AKAP12: variants seen among roughly 807,000 people sequenced by gnomAD.
AKAP12 encodes the protein A-kinase anchoring protein 12.
A neutral mutation model predicts 79.9 loss-of-function variants in AKAP12; 32 were observed. The ratio of observed to expected loss-of-function variants is 0.40; its 90% CI spans 0.30 to 0.54. The LOEUF (loss-of-function observed/expected upper bound fraction) is 0.54, where lower values mean the gene tolerates loss of function less well. AKAP12 is among the 20% of genes least tolerant of loss of function. The pLI is 0.48. For synonymous variants in AKAP12, 808 were observed against 857.0 expected (o/e 0.94, Z 1.00); for missense variants, 2,074 against 2,177.0 (o/e 0.95, Z 0.94).
At position 151,255,420 on chromosome 6, in the gene AKAP12, C is replaced by T. The variant is rs1350470293; in HGVS notation, c.162+14696C>T. Among the ~76,000 whole-genome samples the T allele has an allele frequency of 2.6e-5, 4 of 151,984 alleles. No individual in the cohort carries two copies. The East Asian group carries it at 7.8e-4, about 30-fold the overall frequency. Reference sequence around the variant, plus strand: ...AGGTGATCCACCTGCCTCGGCTTCCCAAAGTGCTGGGATTACAGGCGTGAG... The same window carrying T: ...AGGTGATCCACCTGCCTCGGCTTCCTAAAGTGCTGGGATTACAGGCGTGAG... On this transcript the variant is annotated intron_variant, in intron 2 of 4. Coordinates refer to ENST00000402676, the MANE Select transcript of AKAP12 (RefSeq NM_005100.4).
At chr6:151,285,325 G>A (rs1161408135) in intron 2 of AKAP12, among the ~76,000 whole-genome samples, 1 of 151,796 alleles carries the variant, frequency 6.6e-6, no homozygotes, top group Non-Finnish European at 1.5e-5. Context: ...ACATTACTGA[G>A]TTTGCTATTG....
rs138563552 is a variant in AKAP12 at position 151,353,725 on chromosome 6, A to G, written c.5334A>G (p.Glu1778=). Residue 1778 remains glutamate, a synonymous_variant, in exon 4 of 5, where the codon GAA becomes GAG. Coordinates refer to ENST00000402676, the MANE Select transcript of AKAP12 (RefSeq NM_005100.4). ...QKQERESAKS[E]LTES is the part of the protein sequence containing the mutation. ...AAGAGAGAGAATCTGCAAAGTCAGA[A>G]CTTACAGAATCTTAAAACATCATGC... The G allele has an allele frequency of 1.5e-4, 242 of 1,590,082 alleles. 2 individuals are homozygous for G. The East Asian group carries it at 5.3e-3, about 35-fold the overall frequency.
chr6:151,355,484 G>A (rs980673442), intron 4 of AKAP12, among the ~76,000 whole-genome samples: 2 of 151,694 alleles, frequency 1.3e-5, no homozygotes. Context: ...TGTATTTTTA[G>A]TGGAGACAGG....
intron 3 of AKAP12, among the ~76,000 whole-genome samples, chr6:151,320,282 T>C (rs1328699469): frequency 6.6e-6 from 1 of 151,742 alleles, no homozygotes; most frequent in Non-Finnish European, 1.5e-5. Flanking sequence ...CACTGCTTGG[T>C]TTTTTGTTTT....
intron 2 of AKAP12, among the ~76,000 whole-genome samples, chr6:151,253,114 AT>A (rs1447117604): frequency 2.0e-5 from 3 of 152,098 alleles, no homozygotes; most frequent in African/African-American, 7.2e-5. Context: ...ACAATGATGA[AT>A]TTCTATTGTC....
intron 2 of AKAP12, among the ~76,000 whole-genome samples, chr6:151,244,015 G>A (rs1163186572): frequency 6.6e-6 from 1 of 152,062 alleles, no homozygotes; most frequent in African/African-American, 2.4e-5. Flanking sequence ...CTTTCTATAT[G>A]TATTGCCTGA....
intron 2 of AKAP12, among the ~76,000 whole-genome samples, chr6:151,250,368 G>A (rs1227935403): frequency 1.3e-5 from 2 of 151,436 alleles, no homozygotes; most frequent in Non-Finnish European, 2.9e-5. Context: ...GTGTGGTGGC[G>A]CCTGCCTGTA....
Position 151,356,687 on chromosome 6 carries a change from C to A in AKAP12, c.*973C>A, listed in dbSNP as rs1351431186. ...GGATTGTGTTTGTGCCATATTTGTG[C>A]CATTCTTTTAAGAACAATGTTGCAA... On this transcript the variant is annotated 3_prime_UTR_variant, in exon 5 of 5. Coordinates refer to ENST00000402676, the MANE Select transcript of AKAP12 (RefSeq NM_005100.4). The A allele has an allele frequency of 2.0e-5, 3 of 152,164 alleles. No homozygotes were observed. Among genetic ancestry groups the A allele is most frequent in the South Asian group, 2.1e-4 (1 of 4,828 alleles). 9.4% of individuals were successfully genotyped at this position (152,164 alleles called of 1,614,324 possible). A position where few individuals can be genotyped will look rare whatever the true frequency, so the allele number is the denominator to read the frequency against.
In AKAP12 at chr6:151,240,376, C is replaced by G; in HGVS notation, c.-179-8C>G. On this transcript the variant is annotated splice_region_variant and splice_polypyrimidine_tract_variant and intron_variant, in intron 1 of 4. Transcript: ENST00000402676. ...GTGGCCTTTTTTTTTTTTTCCTTTT[C>G]TTTTAAGGAGTTTGCCGCGAGCGCG... The G allele has an allele frequency of 3.1e-4, 132 of 421,168 alleles. No individual in the cohort carries two copies. The highest frequency in any genetic ancestry group is 1.5e-3 in the Middle Eastern group (2 of 1,360). The allele number at this position is 421,168 out of a possible 1,614,324, so 26.1% of individuals were successfully genotyped here. A position where few individuals can be genotyped will look rare whatever the true frequency, so the allele number is the denominator to read the frequency against.
intron 2 of AKAP12, among the ~76,000 whole-genome samples, chr6:151,291,539 G>A (rs552590117): frequency 6.6e-6 from 1 of 152,292 alleles, no homozygotes; most frequent in South Asian, 2.1e-4. Flanking sequence ...GATAAACACT[G>A]GCTGTGCTCA....
At chr6:151,326,421 G>A (rs2114786695) in intron 3 of AKAP12, among the ~76,000 whole-genome samples, 1 of 150,172 alleles carries the variant, frequency 6.7e-6, no homozygotes, top group African/African-American at 2.5e-5. Flanking sequence ...TTAAGTGGTG[G>A]TTTTAATAAA....
At chr6:151,275,546 C>A (rs964848348) in intron 2 of AKAP12, among the ~76,000 whole-genome samples, 1 of 152,170 alleles carries the variant, frequency 6.6e-6, no homozygotes, top group East Asian at 1.9e-4. Flanking sequence ...CAGACGTCAC[C>A]TTTCTCATGT....
chr6:151,342,168 T>A (rs1178440820), intron 3 of AKAP12, among the ~76,000 whole-genome samples: 1 of 152,206 alleles, frequency 6.6e-6, no homozygotes, highest in Non-Finnish European at 1.5e-5. Flanking sequence ...TTGCCCTCAC[T>A]GTAAGGCCTG....
chr6:151,331,681 C>T (rs1053325276), intron 3 of AKAP12, among the ~76,000 whole-genome samples: 1 of 151,930 alleles, frequency 6.6e-6, no homozygotes, highest in Non-Finnish European at 1.5e-5. Context: ...GTAAGGAGAT[C>T]GAGACCATCC....
Position 151,350,573 on chromosome 6 carries a change from A to G in AKAP12, c.2182A>G (p.Ile728Val). 1 of 1,614,152 alleles carries G rather than the reference A, an allele frequency of 6.2e-7. No homozygotes were observed. The highest frequency in any genetic ancestry group is 8.5e-7 in the Non-Finnish European group (1 of 1,180,036). Reference sequence around the variant, plus strand: ...AGACAAAGAGACGGGGACAGACGGGATCCTTGCTGGTTCCCAAGAACATGA... The same window carrying G: ...AGACAAAGAGACGGGGACAGACGGGGTCCTTGCTGGTTCCCAAGAACATGA... ...GKDKETGTDG[I>V]LAGSQEHDPG... The change falls in exon 4 of 5, where the codon ATC becomes GTC. Residue 728 changes from isoleucine to valine, a missense_variant. Physicochemically the swap from Ile to Val is conservative, Grantham distance 29. Coordinates refer to ENST00000402676, the MANE Select transcript of AKAP12 (RefSeq NM_005100.4). The surrounding 1 kb of genome is among the most constrained non-coding windows in gnomAD (Gnocchi z 4.8).
chr6:151,300,136 T>C (rs1776828967), intron 2 of AKAP12, among the ~76,000 whole-genome samples: 1 of 152,098 alleles, frequency 6.6e-6, no homozygotes, highest in African/African-American at 2.4e-5. Context: ...CACTTTCTAT[T>C]AGAATGAAGG....
intron 3 of AKAP12, chr6:151,343,921 GA>G: frequency 4.5e-6 from 2 of 439,728 alleles, no homozygotes; most frequent in Non-Finnish European, 8.6e-6. Flanking sequence ...TCTTATTTCA[GA>G]ATACTATACA....
chr6:151,245,589 G>A (rs893929315), intron 2 of AKAP12, among the ~76,000 whole-genome samples: 4 of 145,608 alleles, frequency 2.7e-5, no homozygotes, highest in Non-Finnish European at 4.5e-5. Context: ...AGCTTGCAGG[G>A]AGCCGAGATG....
intron 2 of AKAP12, among the ~76,000 whole-genome samples, chr6:151,249,103 C>T (rs917563332): frequency 1.5e-4 from 23 of 152,288 alleles, no homozygotes; most frequent in African/African-American, 4.3e-4. Flanking sequence ...TGTGACTTTT[C>T]GGTGTTCCCC....
Sources: gnomAD v4.1 joint callset for allele counts (sites outside exome capture counted in the v4.1 genomes callset) on GRCh38, gnomAD v4.1.1 for gene constraint, Gnocchi (gnomAD v3.1) non-coding constraint, MANE v1.5 for transcripts, NCBI Gene and HGNC (gene_info 2026-07-23, HGNC 2026-07-21) for gene names.